Variants in QKI observed in about 807,000 individuals in gnomAD.
The protein encoded by QKI is QKI, KH domain containing RNA binding.
In QKI, 10 loss-of-function variants were observed where a neutral mutation model predicts 39.0. The ratio of observed to expected loss-of-function variants is 0.26; its 90% CI spans 0.16 to 0.43. The LOEUF (loss-of-function observed/expected upper bound fraction) is 0.43, where lower values mean the gene tolerates loss of function less well. QKI is among the 20% of genes least tolerant of loss of function. The probability of loss-of-function intolerance (pLI) is 1.00; values close to 1 mark genes in which losing one functional copy is unlikely to be tolerated. For missense variants in QKI, 218 were observed against 428.0 expected (o/e 0.51, Z 4.33); for synonymous variants, 204 against 155.4 (o/e 1.31, Z -2.33).
intron 3 of QKI, among the ~76,000 whole-genome samples, chr6:163,491,268 C>G (rs1020014161): frequency 2.0e-5 from 3 of 152,164 alleles, no homozygotes; most frequent in African/African-American, 7.2e-5. Flanking sequence ...CCATTTAAAA[C>G]TGTCTTTTAT....
chr6:163,436,838 T>C (rs2128213176), intron 1 of QKI, among the ~76,000 whole-genome samples: 1 of 151,156 alleles, frequency 6.6e-6, no homozygotes, highest in East Asian at 1.9e-4. Flanking sequence ...GAAGTATTCC[T>C]TTTCTTGCTA....
intron 3 of QKI, among the ~76,000 whole-genome samples, chr6:163,502,321 T>TCAAAA (rs1005852960): frequency 2.0e-4 from 30 of 151,966 alleles, no homozygotes; most frequent in East Asian, 5.8e-4. Context: ...AGACCCTGTC[T>TCAAAA]CAAAACAAAA....
intron 1 of QKI, among the ~76,000 whole-genome samples, chr6:163,451,136 G>A (rs1666176967): frequency 1.3e-5 from 2 of 152,142 alleles, no homozygotes; most frequent in African/African-American, 2.4e-5. Context: ...ATCTTCTGTT[G>A]GTGTCTAAAC....
At chr6:163,464,156 TC>T in intron 2 of QKI, among the ~76,000 whole-genome samples, 1 of 152,316 alleles carries the variant, frequency 6.6e-6, no homozygotes, top group East Asian at 1.9e-4. Context: ...AGTCAGGAAC[TC>T]GCTCTTAGTC....
chr6:163,542,322 A>G (rs889202267), intron 4 of QKI, among the ~76,000 whole-genome samples: 2 of 152,044 alleles, frequency 1.3e-5, no homozygotes, highest in Admixed American at 6.6e-5. Flanking sequence ...ATATGGATAC[A>G]TATTCTATGA....
Position 163,415,238 on chromosome 6 carries a change from A to C in QKI, c.45A>C (p.Pro15=), listed in dbSNP as rs201009777. The stretch of plus-strand genomic sequence containing the variant: ...CGAAGGAGAAGCCGAAGCCCACCCC[A>C]GATTACCTGATGCAGCTGATGAACG... The part of the protein sequence containing the change: ...METKEKPKPT[P]DYLMQLMNDK... The change falls in exon 1 of 8, where the codon CCA becomes CCC. Residue 15 remains proline (P), a synonymous_variant. Transcript: ENST00000361752. The C allele has an allele frequency of 1.3e-5, 20 of 1,597,212 alleles. No homozygotes were observed. The highest frequency in any genetic ancestry group is 1.5e-5 in the Non-Finnish European group (17 of 1,169,718).
At chr6:163,479,906 C>G (rs1470050042) in intron 3 of QKI, among the ~76,000 whole-genome samples, 1 of 152,152 alleles carries the variant, frequency 6.6e-6, no homozygotes, top group Non-Finnish European at 1.5e-5. Context: ...AGTTAGAAGA[C>G]AGAAATCTAT....
At chr6:163,518,733 A>C (rs941745070) in intron 3 of QKI, among the ~76,000 whole-genome samples, 16 of 152,334 alleles carry the variant, frequency 1.1e-4, no homozygotes, top group African/African-American at 3.4e-4. Context: ...ATTGTAGTTT[A>C]TGAACTGCAG....
rs1185976394 is a variant in QKI at position 163,436,417 on chromosome 6, G to GT, written c.143-18861dup. On this transcript the variant is annotated intron_variant, in intron 1 of 7. Transcript: ENST00000361752. ...TTGGAGAAGTTTAAGTTTAAAGCAAGTATGAGAGCTTAATATTTTGATGGA... is the reference window on the plus strand; with the variant it reads ...TTGGAGAAGTTTAAGTTTAAAGCAAGTTATGAGAGCTTAATATTTTGATGGA... Among the ~76,000 whole-genome samples, 4 of 152,138 alleles carry GT rather than the reference G, an allele frequency of 2.6e-5. 1 individual carries two copies. The highest frequency in any genetic ancestry group is 2.9e-5 in the Non-Finnish European group (2 of 68,014).
chr6:163,463,924 T>A (rs535445912), intron 2 of QKI, among the ~76,000 whole-genome samples: 107 of 152,278 alleles, frequency 7.0e-4, no homozygotes, highest in African/African-American at 2.4e-3. Flanking sequence ...ACTTTTAATT[T>A]TTCTTCCCTG....
At chr6:163,537,840 A>C (rs1241744842) in intron 4 of QKI, among the ~76,000 whole-genome samples, 2 of 151,986 alleles carry the variant, frequency 1.3e-5, no homozygotes, top group Non-Finnish European at 2.9e-5. Context: ...GGCCTCTCAA[A>C]CCCATCTTTA....
At chr6:163,533,793 C>G (rs951857326) in intron 3 of QKI, among the ~76,000 whole-genome samples, 3 of 151,708 alleles carry the variant, frequency 2.0e-5, no homozygotes, top group Non-Finnish European at 4.4e-5. Flanking sequence ...TTTTTTTTTC[C>G]CTGTATCCCC....
intron 1 of QKI, among the ~76,000 whole-genome samples, chr6:163,419,345 T>C (rs1787800668): frequency 6.6e-6 from 1 of 152,102 alleles, no homozygotes; most frequent in Admixed American, 6.5e-5. Flanking sequence ...AAGCCTTGAC[T>C]TAAGAATTAT....
At chr6:163,438,660 T>TA (rs938536437) in intron 1 of QKI, among the ~76,000 whole-genome samples, 3 of 151,480 alleles carry the variant, frequency 2.0e-5, no homozygotes, top group African/African-American at 7.3e-5. Flanking sequence ...GTATAAAAGA[T>TA]AAAAAATGGT....
In QKI at chr6:163,509,784, A is replaced by G. The variant is rs151169501; in HGVS notation, c.403-25198A>G. 7.2e-5 allele frequency among the ~76,000 whole-genome samples: 11 copies of G among 152,304 alleles called. 1 individual carries two copies. In the East Asian group the frequency reaches 2.1e-3, roughly 29 times the overall value. ...CGGAAGGGAAGCTAAGGAACAAAAT[A>G]CAGAGGCTACAAATAGAAAAACAGT... On this transcript the variant is annotated intron_variant, in intron 3 of 7. Transcript: ENST00000361752.
chr6:163,461,290 C>T (rs969028824), intron 2 of QKI, among the ~76,000 whole-genome samples: 8 of 152,180 alleles, frequency 5.3e-5, no homozygotes, highest in African/African-American at 1.9e-4. Context: ...GAAAGGGTTA[C>T]AGGACAGTCT....
intron 3 of QKI, among the ~76,000 whole-genome samples, chr6:163,481,779 T>C (rs1793094986): frequency 6.6e-6 from 1 of 152,216 alleles, no homozygotes; most frequent in Non-Finnish European, 1.5e-5. Context: ...GAACCAGGGC[T>C]TGAAAACTAT....
At chr6:163,569,408 A>AT in intron 7 of QKI, 1 of 1,267,390 alleles carries the variant, frequency 7.9e-7, no homozygotes, top group Non-Finnish European at 1.0e-6. Flanking sequence ...TGCACTGAAT[A>AT]TCTTTTCATT....
intron 1 of QKI, among the ~76,000 whole-genome samples, chr6:163,422,556 G>A (rs1012526030): frequency 1.3e-5 from 2 of 152,108 alleles, no homozygotes; most frequent in African/African-American, 2.4e-5. Context: ...ATGCTACTGC[G>A]CTCCACCTTG....
Sources: gnomAD v4.1 joint callset for allele counts (sites outside exome capture counted in the v4.1 genomes callset) on GRCh38, gnomAD v4.1.1 for gene constraint, MANE v1.5 for transcripts, NCBI Gene and HGNC (gene_info 2026-07-23, HGNC 2026-07-21) for gene names.